Variants in TNIK observed in about 807,000 individuals in gnomAD.
TNIK encodes TRAF2 and NCK interacting kinase, also known as TRAF2 and NCK-interacting protein kinase.
In TNIK, 49 loss-of-function variants were observed where a neutral mutation model predicts 191.3. The observed-to-expected ratio is 0.26, with a 90% confidence interval of 0.20 to 0.32. The LOEUF is 0.32. Among genes scored for constraint, TNIK ranks in the 10% least tolerant of loss-of-function variants. The probability of loss-of-function intolerance (pLI) is 1.00; values close to 1 mark genes in which losing one functional copy is unlikely to be tolerated. For synonymous variants in TNIK, 594 were observed against 600.9 expected (o/e 0.99, Z 0.17); for missense variants, 1,155 against 1,702.3 (o/e 0.68, Z 5.66).
In TNIK at chr3:171,255,914, T is replaced by G. The variant is rs564135320; in HGVS notation, c.124-27693A>C. Among the ~76,000 whole-genome samples, 41 of 152,252 alleles carry G rather than the reference T, an allele frequency of 2.7e-4. No homozygotes were observed. In the South Asian group the frequency reaches 8.3e-3, roughly 31 times the overall value. On this transcript the variant is annotated intron_variant, in intron 2 of 32. Coordinates refer to ENST00000436636, the MANE Select transcript of TNIK (RefSeq NM_015028.4). ...CATCTCCTTGGATTTATATTGATTG[T>G]GGGTATGGCTTAGTGGTGATGGGGG...
chr3:171,074,642 A>G lies in TNIK; in HGVS notation c.3449-3319T>C, dbSNP rs147947333. Among the ~76,000 whole-genome samples the G allele has an allele frequency of 4.5e-3, 683 of 152,374 alleles. 3 individuals are homozygous for G. The highest frequency in any genetic ancestry group is 7.2e-3 in the Non-Finnish European group (490 of 68,034). ...AAAATAAAAACTTATCTAAGCACAT[A>G]TAGGCTCAGATAAATCAAGAAATAT... On this transcript the variant is annotated intron_variant, in intron 28 of 32. Transcript: ENST00000436636.
At chr3:171,341,183 A>G (rs1349438662) in intron 2 of TNIK, among the ~76,000 whole-genome samples, 2 of 152,136 alleles carry the variant, frequency 1.3e-5, no homozygotes, top group African/African-American at 4.8e-5. Context: ...TAAGAATCAC[A>G]TATTTTGGGC....
At chr3:171,109,552 C>A (rs1031208952) in intron 19 of TNIK, among the ~76,000 whole-genome samples, 1 of 152,042 alleles carries the variant, frequency 6.6e-6, no homozygotes, top group South Asian at 2.1e-4. Context: ...AGGAGATAAA[C>A]TAAGGGTATT....
chr3:171,285,609 C>T (rs13071112), intron 2 of TNIK, among the ~76,000 whole-genome samples: 3,887 of 152,228 alleles, frequency 0.026, 60 homozygotes, highest in Middle Eastern at 0.037. Context: ...TGATAAACAC[C>T]AAATCAGTAT....
intron 2 of TNIK, among the ~76,000 whole-genome samples, chr3:171,237,503 GAAA>G (rs35646907): frequency 7.3e-6 from 1 of 137,072 alleles, no homozygotes; most frequent in Non-Finnish European, 1.6e-5. Context: ...GATTCCCACG[GAAA>G]AAAAAAAAAA....
intron 2 of TNIK, among the ~76,000 whole-genome samples, chr3:171,251,385 G>T (rs1465071332): frequency 2.0e-5 from 3 of 152,200 alleles, no homozygotes; most frequent in Non-Finnish European, 4.4e-5. Context: ...ACATGTTTGG[G>T]TAATGATCTT....
intron 2 of TNIK, among the ~76,000 whole-genome samples, chr3:171,319,569 G>T (rs1164194868): frequency 6.6e-6 from 1 of 152,138 alleles, no homozygotes; most frequent in Non-Finnish European, 1.5e-5. Context: ...TGGCTAGGAG[G>T]TTAGTTGACC....
intron 14 of TNIK, among the ~76,000 whole-genome samples, 165 bp downstream of exon 14, chr3:171,139,305 G>A (rs1302413283): frequency 1.3e-5 from 2 of 151,892 alleles, no homozygotes; most frequent in African/African-American, 4.8e-5. Flanking sequence ...GTTTCTATGA[G>A]GTTTTTGAGG....
At chr3:171,253,451 A>C (rs959543817) in intron 2 of TNIK, among the ~76,000 whole-genome samples, 1 of 151,962 alleles carries the variant, frequency 6.6e-6, no homozygotes, top group Admixed American at 6.6e-5. Context: ...ATCCAGCTAA[A>C]AGCAAAACCT....
rs1751183580 is a variant in TNIK at position 171,287,839 on chromosome 3, C to G, written c.124-59618G>C. On this transcript the variant is annotated intron_variant, in intron 2 of 32. Transcript: ENST00000436636. Reference sequence around the variant, plus strand: ...TAGAACCAGGCTAGTCATTTCAAAACAGGATGCTGCTATAAAGACACATGC... The same window carrying G: ...TAGAACCAGGCTAGTCATTTCAAAAGAGGATGCTGCTATAAAGACACATGC... Among the ~76,000 whole-genome samples, 3 of 152,090 alleles carry G rather than the reference C, an allele frequency of 2.0e-5. No individual in the cohort carries two copies. In the South Asian group the frequency reaches 6.2e-4, roughly 32 times the overall value.
chr3:171,279,632 G>A (rs779648601), intron 2 of TNIK, among the ~76,000 whole-genome samples: 2 of 152,156 alleles, frequency 1.3e-5, no homozygotes, highest in Non-Finnish European at 1.5e-5. Context: ...GCTTTGAGCT[G>A]CTCTATCCAA....
At chr3:171,365,022 C>T (rs1163064129) in intron 2 of TNIK, among the ~76,000 whole-genome samples, 5 of 151,950 alleles carry the variant, frequency 3.3e-5, no homozygotes, top group Admixed American at 2.6e-4. Flanking sequence ...TAATGAAGGG[C>T]CTCAGCTCTA....
At chr3:171,161,411 T>A in intron 10 of TNIK, 75 bp from the exon 11 acceptor site, 2 of 1,315,976 alleles carry the variant, frequency 1.5e-6, no homozygotes, top group South Asian at 2.7e-5. Context: ...GTCTCTTATA[T>A]ATAAATAAAT....
chr3:171,454,964 T>C (rs992672115), intron 1 of TNIK, among the ~76,000 whole-genome samples: 13 of 152,196 alleles, frequency 8.5e-5, no homozygotes, highest in African/African-American at 3.1e-4. Context: ...CGGTAATACA[T>C]AAAGAGAGAA....
Position 171,165,649 on chromosome 3 carries a change from C to T in TNIK, c.949+1446G>A, listed in dbSNP as rs371927347. 1.1e-4 allele frequency among the ~76,000 whole-genome samples: 16 copies of T among 152,244 alleles called. No individual in the cohort carries two copies. In the South Asian group the frequency reaches 1.7e-3, roughly 16 times the overall value. On this transcript the variant is annotated intron_variant, in intron 10 of 32. Coordinates refer to ENST00000436636, the MANE Select transcript of TNIK (RefSeq NM_015028.4). ...TCTGTCCTGTCTGTGGGCTACCCTCCGCTACTGCCTCTGAACTGAAGAGAG... is the reference window on the plus strand; with the variant it reads ...TCTGTCCTGTCTGTGGGCTACCCTCTGCTACTGCCTCTGAACTGAAGAGAG...
intron 1 of TNIK, among the ~76,000 whole-genome samples, chr3:171,372,650 C>G (rs1716672665): frequency 6.6e-6 from 1 of 152,198 alleles, no homozygotes; most frequent in Admixed American, 6.5e-5. Context: ...CCCCCCAATA[C>G]CCGTCCCAGA....
chr3:171,092,012 C>T (rs1244678352), intron 23 of TNIK, among the ~76,000 whole-genome samples: 2 of 150,580 alleles, frequency 1.3e-5, no homozygotes, highest in African/African-American at 2.4e-5. Context: ...TGCAGTGGCA[C>T]GATCTCCACT....
chr3:171,337,478 T>C (rs1757075810), intron 2 of TNIK, among the ~76,000 whole-genome samples: 1 of 152,186 alleles, frequency 6.6e-6, no homozygotes, highest in Admixed American at 6.5e-5. Flanking sequence ...TGCATGTAAA[T>C]ACGGTTTAAG....
chr3:171,203,100 T>G (rs1739617485), intron 4 of TNIK, among the ~76,000 whole-genome samples: 1 of 151,826 alleles, frequency 6.6e-6, no homozygotes, highest in Non-Finnish European at 1.5e-5. Flanking sequence ...TCCTACAACC[T>G]CCACGTCACA....
Sources: gnomAD v4.1 joint callset for allele counts (sites outside exome capture counted in the v4.1 genomes callset) on GRCh38, gnomAD v4.1.1 for gene constraint, MANE v1.5 for transcripts, NCBI Gene and HGNC (gene_info 2026-07-23, HGNC 2026-07-21) for gene names.